The following PVT1 variants were observed in gnomAD, a reference collection of about 807,000 sequenced individuals.
PVT1 encodes the protein CXCR4/PVT1 fusion.
intron 2 of PVT1, among the ~76,000 whole-genome samples, chr8:127,820,946 T>C (rs1315043041): frequency 6.6e-6 from 1 of 152,142 alleles, no homozygotes; most frequent in East Asian, 1.9e-4. Flanking sequence ...TGGCCTCAAG[T>C]GATCCGCCCG....
At chr8:128,030,766 A>C (rs1813378348) in intron 4 of PVT1, among the ~76,000 whole-genome samples, 1 of 151,962 alleles carries the variant, frequency 6.6e-6, no homozygotes, top group African/African-American at 2.4e-5. Flanking sequence ...TTTTTATCTC[A>C]TTTCTTGCTC....
chr8:128,060,633 A>C (rs559309097), intron 4 of PVT1, among the ~76,000 whole-genome samples: 2 of 152,324 alleles, frequency 1.3e-5, no homozygotes, highest in East Asian at 3.9e-4. Flanking sequence ...TATGCTTCCC[A>C]GGTGGCATGG....
chr8:128,084,785 T>C (rs1031224147), intron 5 of PVT1, among the ~76,000 whole-genome samples: 1 of 152,236 alleles, frequency 6.6e-6, no homozygotes, highest in African/African-American at 2.4e-5. Context: ...GGAGCAATGC[T>C]GGACCAGTGT....
At chr8:127,864,643 G>A (rs545096770) in intron 2 of PVT1, among the ~76,000 whole-genome samples, 9 of 152,228 alleles carry the variant, frequency 5.9e-5, no homozygotes, top group African/African-American at 2.2e-4. Flanking sequence ...CGCCTCCCGG[G>A]TTCACGCCAT....
intron 4 of PVT1, among the ~76,000 whole-genome samples, chr8:128,022,605 C>G (rs1032994420): frequency 2.6e-5 from 4 of 152,200 alleles, no homozygotes; most frequent in Non-Finnish European, 5.9e-5. Context: ...GCTGCCTCTC[C>G]TTTGTACCCA....
chr8:128,023,578 A>T (rs7009991), intron 4 of PVT1, among the ~76,000 whole-genome samples: 2 of 152,072 alleles, frequency 1.3e-5, no homozygotes, highest in African/African-American at 4.8e-5. Flanking sequence ...TGCCTGATAC[A>T]TCAACTACTT....
rs369825352 is a variant in PVT1, at chr8:128,082,992, C to A, written n.1114+12631C>A. On this transcript the variant is annotated intron_variant and non_coding_transcript_variant, in intron 5 of 10. Transcript: ENST00000651587. ...TTCTTATTTTCAGCTGAAATTATTT[C>A]TAATAGATATACAGATTTCCAACAA... is the stretch of plus-strand genomic sequence containing the variant. The A allele has an allele frequency of 4.6e-5, 7 of 152,168 alleles. No individual in the cohort carries two copies. The East Asian group carries it at 1.2e-3, about 25-fold the overall frequency. The allele number at this position is 152,168 out of a possible 1,614,324, so 9.4% of individuals were successfully genotyped here. A position where few individuals can be genotyped will look rare whatever the true frequency, so the allele number is the denominator to read the frequency against.
chr8:127,967,255 CTGGAAGAT>C (rs916815764), intron 3 of PVT1, among the ~76,000 whole-genome samples: 1 of 151,848 alleles, frequency 6.6e-6, no homozygotes, highest in Non-Finnish European at 1.5e-5. Context: ...GGGATCTCTC[CTGGAAGAT>C]GAAGAATGAA....
chr8:127,939,720 G>A (rs916287489), intron 3 of PVT1: 1 of 152,216 alleles, frequency 6.6e-6, no homozygotes, highest in Non-Finnish European at 1.5e-5. Flanking sequence ...AGAAGATGAA[G>A]AGATGATTGA....
intron 3 of PVT1, among the ~76,000 whole-genome samples, chr8:127,963,676 A>G (rs1409729188): frequency 6.6e-6 from 1 of 152,062 alleles, no homozygotes; most frequent in Non-Finnish European, 1.5e-5. Flanking sequence ...TATTCACTCA[A>G]ACATGTACTA....
intron 5 of PVT1, among the ~76,000 whole-genome samples, chr8:128,081,454 A>G (rs1036496073): frequency 1.3e-5 from 2 of 152,244 alleles, no homozygotes; most frequent in African/African-American, 4.8e-5. Context: ...TTAGCTCATT[A>G]GGAAACTGCC....
chr8:127,886,169 G>A (rs1451955917), intron 2 of PVT1, among the ~76,000 whole-genome samples: 1 of 152,046 alleles, frequency 6.6e-6, no homozygotes, highest in Non-Finnish European at 1.5e-5. Flanking sequence ...CACATATTGG[G>A]TTCAGATGTA....
chr8:127,921,854 G>GTTTTTTTGTTTTTTTTTTTTT (rs1816063128), intron 3 of PVT1, among the ~76,000 whole-genome samples: 6 of 71,924 alleles, frequency 8.3e-5, no homozygotes, highest in African/African-American at 3.6e-4. Flanking sequence ...TTTGGTTCAT[G>GTTTTTTTGTTTTTTTTTTTTT]TTTTTTTTTT....
intron 4 of PVT1, among the ~76,000 whole-genome samples, chr8:128,035,848 A>G (rs1214222739): frequency 6.6e-6 from 1 of 152,222 alleles, no homozygotes; most frequent in Non-Finnish European, 1.5e-5. Context: ...AAATGCTGGC[A>G]GCCTCTAGAA....
chr8:127,916,447 A>T (rs1815986236), intron 3 of PVT1, among the ~76,000 whole-genome samples: 1 of 152,172 alleles, frequency 6.6e-6, no homozygotes, highest in Non-Finnish European at 1.5e-5. Flanking sequence ...AATGACCTCA[A>T]TGTGGGCCTG....
chr8:127,880,084 C>T (rs541927244), intron 2 of PVT1, among the ~76,000 whole-genome samples: 1 of 151,960 alleles, frequency 6.6e-6, no homozygotes, highest in East Asian at 1.9e-4. Context: ...TTCTGCCAGC[C>T]CGCCAGGGCA....
intron 3 of PVT1, among the ~76,000 whole-genome samples, chr8:127,905,807 C>A (rs1344427863): frequency 1.3e-5 from 2 of 152,228 alleles, no homozygotes; most frequent in Admixed American, 1.3e-4. Flanking sequence ...CAGTCTGAGT[C>A]TTTTGTGGCA....
chr8:127,985,127 A>G (rs973398389), intron 3 of PVT1, among the ~76,000 whole-genome samples: 30 of 149,184 alleles, frequency 2.0e-4, no homozygotes, highest in Non-Finnish European at 3.4e-4. Flanking sequence ...TCTGCTGCCT[A>G]GCTTCAAGTG....
chr8:128,083,271 G>A (rs569297229), intron 5 of PVT1, among the ~76,000 whole-genome samples: 16 of 152,280 alleles, frequency 1.1e-4, no homozygotes, highest in South Asian at 4.1e-4. Flanking sequence ...TTAGAACATC[G>A]CTTGGCGCAT....
Sources: allele counts gnomAD v4.1 joint callset (sites outside exome capture counted in the v4.1 genomes callset), GRCh38; gene constraint gnomAD v4.1.1; transcripts MANE v1.5; gene names NCBI Gene and HGNC (gene_info 2026-07-23, HGNC 2026-07-21).